Variants in KCNIP4 observed in about 807,000 individuals in gnomAD.
The protein encoded by KCNIP4 is potassium voltage-gated channel interacting protein 4, also known as Kv channel-interacting protein 4.
KCNIP4 carries 12 observed loss-of-function variants against 34.0 expected under a neutral mutation model. The ratio of observed to expected loss-of-function variants is 0.35; its 90% CI spans 0.23 to 0.57. The LOEUF (loss-of-function observed/expected upper bound fraction) is 0.57, where lower values mean the gene tolerates loss of function less well. Ranked by LOEUF, KCNIP4 falls within the 20% of genes least tolerant of loss-of-function variation. KCNIP4 has a pLI of 0.83. For synonymous variants in KCNIP4, 124 were observed against 102.2 expected, an observed-to-expected ratio of 1.21 and a Z score of -1.29; for missense variants, 238 against 311.7, an observed-to-expected ratio of 0.76 and a Z score of 1.78.
At chr4:20,730,620 TC>T (rs1230595316) in intron 8 of KCNIP4, among the ~76,000 whole-genome samples, 1 of 152,100 alleles carries the variant, frequency 6.6e-6, no homozygotes, top group Non-Finnish European at 1.5e-5. Flanking sequence ...TTTGCAGTAA[TC>T]ATCTCTCTTT....
intron 1 of KCNIP4, among the ~76,000 whole-genome samples, chr4:21,283,904 T>C (rs1029601189): frequency 3.9e-5 from 6 of 151,942 alleles, no homozygotes; most frequent in Non-Finnish European, 7.4e-5. Context: ...TATTATTAAA[T>C]TGCCTGCTTT....
chr4:21,153,515 G>GTGTA (rs1434833588), intron 1 of KCNIP4, among the ~76,000 whole-genome samples: 8 of 140,902 alleles, frequency 5.7e-5, no homozygotes, highest in East Asian at 2.1e-4. Context: ...ATGTGTGTGT[G>GTGTA]TATATATATA....
At chr4:21,699,224 T>C (rs1241665102) in intron 1 of KCNIP4, among the ~76,000 whole-genome samples, 5 of 152,128 alleles carry the variant, frequency 3.3e-5, no homozygotes, top group African/African-American at 1.2e-4. Flanking sequence ...GAGAGTAAAA[T>C]AAGATAGGGA....
At chr4:21,420,289 T>C (rs1725337789) in intron 1 of KCNIP4, among the ~76,000 whole-genome samples, 1 of 152,204 alleles carries the variant, frequency 6.6e-6, no homozygotes, top group African/African-American at 2.4e-5. Context: ...ATCCCTACAT[T>C]TCTCCCCCTC....
intron 1 of KCNIP4, among the ~76,000 whole-genome samples, chr4:21,435,741 T>G (rs1175022538): frequency 6.6e-6 from 1 of 152,122 alleles, no homozygotes; most frequent in Non-Finnish European, 1.5e-5. Context: ...ACAAGATTTT[T>G]TTTTCTCCTC....
chr4:21,104,654 C>T (rs188545190), intron 1 of KCNIP4, among the ~76,000 whole-genome samples: 34 of 152,044 alleles, frequency 2.2e-4, no homozygotes, highest in Admixed American at 2.2e-3. Flanking sequence ...GTGTTTTAAA[C>T]ATGAAGTCCT....
intron 1 of KCNIP4, among the ~76,000 whole-genome samples, chr4:21,865,825 G>T (rs6819627): frequency 6.6e-6 from 1 of 151,772 alleles, no homozygotes; most frequent in Non-Finnish European, 1.5e-5. Flanking sequence ...TTACAGGCAT[G>T]AGCCACCATT....
At chr4:21,336,378 A>T (rs1288006823) in intron 1 of KCNIP4, among the ~76,000 whole-genome samples, 2 of 152,102 alleles carry the variant, frequency 1.3e-5, no homozygotes, top group Non-Finnish European at 2.9e-5. Flanking sequence ...ATTACCTAGG[A>T]ATGAAATTTC....
intron 1 of KCNIP4, among the ~76,000 whole-genome samples, chr4:21,311,277 A>C (rs1380874197): frequency 6.6e-6 from 1 of 152,228 alleles, no homozygotes; most frequent in Non-Finnish European, 1.5e-5. Flanking sequence ...GGACTAGGGC[A>C]TCTGCAATTG....
At chr4:21,487,699 T>C (rs941299141) in intron 1 of KCNIP4, among the ~76,000 whole-genome samples, 11 of 152,204 alleles carry the variant, frequency 7.2e-5, no homozygotes, top group African/African-American at 1.2e-4. Flanking sequence ...AATTTATTTA[T>C]TCCATAATTT....
At chr4:20,966,795 T>C (rs1031515730) in intron 1 of KCNIP4, among the ~76,000 whole-genome samples, 10 of 152,224 alleles carry the variant, frequency 6.6e-5, no homozygotes, top group African/African-American at 2.4e-4. Flanking sequence ...AAGTAACCAT[T>C]AGAAAATCTG....
At chr4:21,603,902 A>G (rs1436396796) in intron 1 of KCNIP4, among the ~76,000 whole-genome samples, 2 of 152,202 alleles carry the variant, frequency 1.3e-5, no homozygotes, top group Non-Finnish European at 2.9e-5. Flanking sequence ...AATTTAATCT[A>G]GTAGACTGAT....
intron 1 of KCNIP4, among the ~76,000 whole-genome samples, chr4:21,065,805 A>ACAT (rs1744330308): frequency 6.8e-6 from 1 of 147,286 alleles, no homozygotes; most frequent in Non-Finnish European, 1.5e-5. Context: ...AGCAAACATC[A>ACAT]CATGAATTAA....
chr4:21,059,055 C>A (rs895941249), intron 1 of KCNIP4, among the ~76,000 whole-genome samples: 1 of 152,090 alleles, frequency 6.6e-6, no homozygotes, highest in African/African-American at 2.4e-5. Flanking sequence ...GTAAGACGTC[C>A]CTTTGCTCTT....
intron 3 of KCNIP4, among the ~76,000 whole-genome samples, chr4:20,826,912 C>G (rs569231833): frequency 1.2e-4 from 18 of 152,268 alleles, no homozygotes; most frequent in African/African-American, 4.3e-4. Flanking sequence ...AAGCCCCTTC[C>G]TCTTGAATAA....
chr4:21,219,674 G>C (rs926437430), intron 1 of KCNIP4, among the ~76,000 whole-genome samples: 1 of 152,144 alleles, frequency 6.6e-6, no homozygotes, highest in Admixed American at 6.5e-5. Context: ...AATGGGAGGA[G>C]AGATAGAAAA....
At chr4:21,309,383 T>C (rs533881000) in intron 1 of KCNIP4, among the ~76,000 whole-genome samples, 8 of 152,228 alleles carry the variant, frequency 5.3e-5, no homozygotes, top group African/African-American at 1.9e-4. Context: ...AATAAAAAGA[T>C]GAATACCCAT....
intron 1 of KCNIP4, among the ~76,000 whole-genome samples, chr4:21,140,152 C>T (rs1368504285): frequency 1.3e-5 from 2 of 152,094 alleles, no homozygotes; most frequent in Admixed American, 1.3e-4. Flanking sequence ...TTATTACAGG[C>T]AGCTACAGTA....
intron 3 of KCNIP4, among the ~76,000 whole-genome samples, chr4:20,792,318 A>C (rs941384333): frequency 6.6e-6 from 1 of 152,056 alleles, no homozygotes; most frequent in Non-Finnish European, 1.5e-5. Context: ...GGTTGCAGTG[A>C]ACCGAGATTG....
Sources: gnomAD v4.1 joint callset for allele counts (sites outside exome capture counted in the v4.1 genomes callset) on GRCh38, gnomAD v4.1.1 for gene constraint, MANE v1.5 for transcripts, NCBI Gene and HGNC (gene_info 2026-07-23, HGNC 2026-07-21) for gene names.